AGBL4: variants seen among roughly 807,000 people sequenced by gnomAD.
The protein encoded by AGBL4 is AGBL carboxypeptidase 4, also known as cytosolic carboxypeptidase 6.
A neutral mutation model predicts 66.4 loss-of-function variants in AGBL4; 58 were observed. That is an observed-to-expected ratio of 0.87 (90% CI 0.71 to 1.09). The LOEUF is 1.09. Among genes scored for constraint, AGBL4 ranks in the 50% least tolerant of loss-of-function variants. The pLI, the probability that AGBL4 is intolerant of heterozygous loss-of-function variation, is 0.00. For synonymous variants in AGBL4, 234 were observed against 222.9 expected, an observed-to-expected ratio of 1.05 and a Z score of -0.44; for missense variants, 579 against 631.0, an observed-to-expected ratio of 0.92 and a Z score of 0.88.
intron 6 of AGBL4, among the ~76,000 whole-genome samples, chr1:48,828,767 C>T (rs918726975): frequency 2.0e-5 from 3 of 152,214 alleles, no homozygotes; most frequent in Non-Finnish European, 4.4e-5. Context: ...CTAGTTATAA[C>T]TCAACTCCCT....
chr1:49,488,243 C>G (rs1423795257), intron 3 of AGBL4, among the ~76,000 whole-genome samples: 1 of 151,448 alleles, frequency 6.6e-6, no homozygotes, highest in East Asian at 1.9e-4. Flanking sequence ...CTTTCTATCC[C>G]TGTGATAACT....
chr1:49,716,184 C>T (rs1571392912), intron 2 of AGBL4, among the ~76,000 whole-genome samples: 1 of 152,086 alleles, frequency 6.6e-6, no homozygotes, highest in African/African-American at 2.4e-5. Context: ...AGCTAGTTTT[C>T]CCAACATCAC....
At chr1:49,112,822 C>G (rs2148024437) in intron 4 of AGBL4, among the ~76,000 whole-genome samples, 1 of 152,306 alleles carries the variant, frequency 6.6e-6, no homozygotes, top group South Asian at 2.1e-4. Context: ...TCCAGCATGT[C>G]TGCAGTTATT....
chr1:49,829,001 G>A (rs1226718683), intron 2 of AGBL4, among the ~76,000 whole-genome samples: 2 of 151,726 alleles, frequency 1.3e-5, no homozygotes, highest in African/African-American at 2.4e-5. Flanking sequence ...CCCGGGAGGC[G>A]GAGCTTGCAG....
chr1:49,395,563 T>TGTGTGTGTGTGA (rs1557899824), intron 3 of AGBL4, among the ~76,000 whole-genome samples: 2 of 148,552 alleles, frequency 1.3e-5, no homozygotes, highest in African/African-American at 5.0e-5. Flanking sequence ...TGTGTGTGTG[T>TGTGTGTGTGTGA]GATATTATAT....
intron 1 of AGBL4, among the ~76,000 whole-genome samples, chr1:49,881,665 T>G (rs1203847986): frequency 6.6e-6 from 1 of 150,986 alleles, no homozygotes; most frequent in Non-Finnish European, 1.5e-5. Context: ...TCATGTGTTT[T>G]TTGGCTGCAT....
At chr1:48,925,517 G>GA (rs1553125361) in intron 5 of AGBL4, among the ~76,000 whole-genome samples, 1 of 150,664 alleles carries the variant, frequency 6.6e-6, no homozygotes, top group East Asian at 1.9e-4. Flanking sequence ...TTTTTTTTGT[G>GA]TTTTTTTTTA....
chr1:49,462,389 G>C (rs1201571253), intron 3 of AGBL4, among the ~76,000 whole-genome samples: 1 of 151,712 alleles, frequency 6.6e-6, no homozygotes, highest in Admixed American at 6.6e-5. Context: ...ATTGGTAGGA[G>C]AGTGAGGAAC....
intron 6 of AGBL4, among the ~76,000 whole-genome samples, chr1:48,855,354 C>G (rs1647122370): frequency 2.0e-5 from 3 of 152,232 alleles, no homozygotes; most frequent in South Asian, 4.1e-4. Flanking sequence ...ACCTTAGGAA[C>G]ATACTAATTA....
At chr1:48,703,590 C>T (rs182630254) in intron 6 of AGBL4, among the ~76,000 whole-genome samples, 21 of 152,040 alleles carry the variant, frequency 1.4e-4, no homozygotes, top group Admixed American at 1.2e-3. Flanking sequence ...AGTCAAAAGC[C>T]GAAAAGAGAT....
At chr1:49,288,788 TAAGGGC>T (rs1271721884) in intron 3 of AGBL4, among the ~76,000 whole-genome samples, 2 of 152,066 alleles carry the variant, frequency 1.3e-5, no homozygotes, top group Admixed American at 6.6e-5. Context: ...GCCCTTGGAG[TAAGGGC>T]AAGCCAAACA....
At chr1:49,137,467 T>C (rs1452828087) in intron 4 of AGBL4, among the ~76,000 whole-genome samples, 2 of 152,162 alleles carry the variant, frequency 1.3e-5, no homozygotes, top group Non-Finnish European at 2.9e-5. Context: ...AGGATTTTAT[T>C]GTTACCCTCT....
chr1:49,868,596 C>T (rs1646763795), intron 1 of AGBL4, among the ~76,000 whole-genome samples: 1 of 152,014 alleles, frequency 6.6e-6, no homozygotes, highest in East Asian at 1.9e-4. Flanking sequence ...ACACCTTATA[C>T]AAAAAATAAC....
chr1:49,182,167 G>A (rs1646941344), intron 4 of AGBL4, among the ~76,000 whole-genome samples: 1 of 152,214 alleles, frequency 6.6e-6, no homozygotes. Context: ...AAGACCAAGT[G>A]AAGAATGACC....
chr1:49,866,017 A>C, intron 1 of AGBL4: 1 of 292,234 alleles, frequency 3.4e-6, no homozygotes, highest in Non-Finnish European at 7.1e-6. Context: ...TCAGAGCTTC[A>C]AGACTATCTT....
chr1:48,776,928 C>G, intron 6 of AGBL4: 24 of 260,784 alleles, frequency 9.2e-5, no homozygotes, highest in East Asian at 3.6e-4. Flanking sequence ...CGCTACGGTG[C>G]TGGGGGGGGC....
Position 49,662,263 on chromosome 1 carries a change from A to G in AGBL4, c.282+35050T>C, listed in dbSNP as rs1344511309. Among the ~76,000 whole-genome samples the G allele has an allele frequency of 5.3e-5, 8 of 151,542 alleles. No individual in the cohort carries two copies. In the East Asian group the frequency reaches 1.6e-3, roughly 29 times the overall value. ...TTATATATGTGTAATATATATACAT[A>G]TATAAACTTACCAAATTATACACTT... On this transcript the variant is annotated intron_variant, in intron 3 of 13. Transcript: ENST00000371839.
At chr1:49,364,921 C>G (rs1156489007) in intron 3 of AGBL4, among the ~76,000 whole-genome samples, 1 of 152,200 alleles carries the variant, frequency 6.6e-6, no homozygotes, top group Non-Finnish European at 1.5e-5. Context: ...TTTTCAACCA[C>G]TATACTGAAC....
intron 3 of AGBL4, among the ~76,000 whole-genome samples, chr1:49,637,414 C>CCT (rs1558122219): frequency 3.9e-5 from 6 of 152,034 alleles, no homozygotes; most frequent in Non-Finnish European, 8.8e-5. Flanking sequence ...AATTCTCCTG[C>CCT]CTCAGCCTCC....
Sources: allele counts gnomAD v4.1 joint callset (sites outside exome capture counted in the v4.1 genomes callset), GRCh38; gene constraint gnomAD v4.1.1; transcripts MANE v1.5; gene names NCBI Gene and HGNC (gene_info 2026-07-23, HGNC 2026-07-21).